Variants in UBR7 observed in about 807,000 individuals in gnomAD.
The protein encoded by UBR7 is ubiquitin protein ligase E3 component n-recognin 7.
A neutral mutation model predicts 57.0 loss-of-function variants in UBR7; 22 were observed. The ratio of observed to expected loss-of-function variants is 0.39; its 90% CI spans 0.28 to 0.55. The LOEUF is 0.55. UBR7 is among the 20% of genes least tolerant of loss of function. The pLI is 0.69. For missense variants in UBR7, 395 were observed against 513.2 expected (o/e 0.77, Z 2.23); for synonymous variants, 167 against 179.8 (o/e 0.93, Z 0.57).
intron 6 of UBR7, among the ~76,000 whole-genome samples, chr14:93,217,575 C>T (rs1481642122): frequency 6.6e-6 from 1 of 152,172 alleles, no homozygotes; most frequent in African/African-American, 2.4e-5. Flanking sequence ...CTTCCTCCTG[C>T]TTCTTGTATT....
intron 10 of UBR7, among the ~76,000 whole-genome samples, chr14:93,226,028 C>T (rs993032212): frequency 1.3e-5 from 2 of 152,210 alleles, no homozygotes; most frequent in African/African-American, 4.8e-5. Flanking sequence ...TCAGCCTCTG[C>T]ATCCTGAATC....
At position 93,218,721 on chromosome 14, in the gene UBR7, G is replaced by A. The variant is rs754183681; in HGVS notation, c.796G>A (p.Glu266Lys). 5 of 1,613,382 alleles carry A rather than the reference G, an allele frequency of 3.1e-6. No individual in the cohort carries two copies. Among genetic ancestry groups the A allele is most frequent in the Admixed American group, 3.3e-5 (2 of 59,986 alleles). Residue 266 changes from glutamate (E) to lysine (K), a missense_variant, in exon 7 of 11, where the codon GAA becomes AAA. By Grantham distance (56) the Glu-to-Lys change is moderately conservative (BLOSUM62 1). Transcript: ENST00000013070. ...NSEPCAGSSS[E>K]SDLQTVFKNE... ...TGAACCATGTGCCGGCTCTAGTTCT[G>A]AATCTGATCTCCAGGTAATGTGTGA... is the stretch of plus-strand genomic sequence containing the variant.
At chr14:93,217,900 A>C in intron 6 of UBR7, among the ~76,000 whole-genome samples, 1 of 151,782 alleles carries the variant, frequency 6.6e-6, no homozygotes, top group Admixed American at 6.6e-5. Context: ...GTTCCAGACC[A>C]GCCTGACCAA....
chr14:93,211,189 G>A (rs1437230500), intron 3 of UBR7, among the ~76,000 whole-genome samples: 1 of 151,714 alleles, frequency 6.6e-6, no homozygotes, highest in African/African-American at 2.4e-5. Flanking sequence ...GCAGTGAGCC[G>A]AGATTGCGCC....
At chr14:93,207,696 C>G (rs1372007123) in intron 1 of UBR7, among the ~76,000 whole-genome samples, 1 of 152,178 alleles carries the variant, frequency 6.6e-6, no homozygotes, top group Non-Finnish European at 1.5e-5. Flanking sequence ...AGGAAGGGCC[C>G]TGGAGCAGCT....
Position 93,207,331 on chromosome 14 carries a change from C to T in UBR7, c.40C>T (p.Leu14=), listed in dbSNP as rs764548799. Residue 14 remains leucine (L), a synonymous_variant, in exon 1 of 11, where the codon CTG becomes TTG. Transcript: ENST00000013070. ...AEGAAGRQSE[L]EPVVSLVDVL... The stretch of plus-strand genomic sequence containing the variant: ...GGGCGCCGCTGGGCGGCAGTCGGAG[C>T]TGGAGCCCGTGGTATCGTTGGTCGA... The T allele has an allele frequency of 1.3e-6, 2 of 1,558,156 alleles. No individual in the cohort carries two copies. The highest frequency in any genetic ancestry group is 2.4e-5 in the South Asian group (2 of 84,704).
chr14:93,216,718 G>A (rs1267715329), intron 6 of UBR7, among the ~76,000 whole-genome samples: 1 of 151,132 alleles, frequency 6.6e-6, no homozygotes, highest in Non-Finnish European at 1.5e-5. Flanking sequence ...GGGTTCAAGC[G>A]ATTCTTGTGA....
intron 1 of UBR7, among the ~76,000 whole-genome samples, chr14:93,209,370 G>C (rs985375190): frequency 6.6e-6 from 1 of 152,138 alleles, no homozygotes; most frequent in African/African-American, 2.4e-5. Flanking sequence ...ATGCTCCTGT[G>C]TTTTCACATA....
At chr14:93,220,168 AG>A in intron 8 of UBR7, 80 bp from the exon 9 acceptor site, 1 of 1,456,326 alleles carries the variant, frequency 6.9e-7, no homozygotes, top group East Asian at 2.3e-5. Flanking sequence ...AGTGATTCTC[AG>A]GAAATTGGCT....
rs112981008 is a variant in UBR7, at chr14:93,208,562, TA to T, written c.150+1132del. On this transcript the variant is annotated intron_variant, in intron 1 of 10. Transcript: ENST00000013070. Reference sequence around the variant, plus strand: ...GGATTCCTTAATATTTTCTTTGTGGTAAAAAAAAAAATACGGAAATTTGCAC... The same window carrying T: ...GGATTCCTTAATATTTTCTTTGTGGTAAAAAAAAAATACGGAAATTTGCAC... Among the ~76,000 whole-genome samples the T allele has an allele frequency of 5.3e-3, 765 of 144,630 alleles. 1 individual carries two copies. The highest frequency in any genetic ancestry group is 0.015 in the African/African-American group (581 of 39,686). 94.9% of individuals were successfully genotyped at this position (144,630 alleles called of 152,430 possible). A position where few individuals can be genotyped will look rare whatever the true frequency, so the allele number is the denominator to read the frequency against.
At position 93,212,108 on chromosome 14, in the gene UBR7, A is replaced by T; in HGVS notation, c.422A>T (p.Tyr141Phe). Residue 141 changes from tyrosine to phenylalanine, a missense_variant, in exon 4 of 11, where the codon TAT (tyrosine) becomes TTT (phenylalanine). Physicochemically the swap from Tyr to Phe is conservative, Grantham distance 22. Coordinates refer to ENST00000013070, the MANE Select transcript of UBR7 (RefSeq NM_175748.4). ...TTGTACTGCATTTGCAAGAGACCTTATCCTGATCCTGAAGACGAGGTAAGA... is the reference window on the plus strand; with the variant it reads ...TTGTACTGCATTTGCAAGAGACCTTTTCCTGATCCTGAAGACGAGGTAAGA... The part of the protein sequence containing the change: ...FGLYCICKRP[Y>F]PDPEDEIPDE... 1.2e-6 allele frequency: 2 copies of T among 1,612,188 alleles called. No individual in the cohort carries two copies. The highest frequency in any genetic ancestry group is 1.7e-6 in the Non-Finnish European group (2 of 1,178,784).
chr14:93,215,689 CAAAAAAAA>C (rs34666080), intron 6 of UBR7, among the ~76,000 whole-genome samples: 1 of 71,832 alleles, frequency 1.4e-5, no homozygotes, highest in Non-Finnish European at 3.2e-5. Context: ...ACTCCATCCT[CAAAAAAAA>C]AAAAAAAAAA....
chr14:93,211,860 A>G (rs990938754), intron 3 of UBR7, among the ~76,000 whole-genome samples, 172 bp from the exon 4 acceptor site: 5 of 152,024 alleles, frequency 3.3e-5, no homozygotes, highest in Non-Finnish European at 7.4e-5. Context: ...CTGTGTCCTG[A>G]AAAAAGTATC....
At chr14:93,222,699 C>T (rs938552525) in intron 10 of UBR7, among the ~76,000 whole-genome samples, 1 of 151,552 alleles carries the variant, frequency 6.6e-6, no homozygotes, top group South Asian at 2.1e-4. Context: ...GCCGAGAACA[C>T]GCCACTGCAC....
rs752598365 is a variant in UBR7, at chr14:93,229,011, G to A, written c.*1976G>A. The A allele has an allele frequency of 6.6e-6, 3 of 452,024 alleles. No individual in the cohort carries two copies. Among genetic ancestry groups the A allele is most frequent in the East Asian group, 7.0e-5 (1 of 14,370 alleles). The allele number at this position is 452,024 out of a possible 1,614,324, so 28.0% of individuals were successfully genotyped here. A position where few individuals can be genotyped will look rare whatever the true frequency, so the allele number is the denominator to read the frequency against. The stretch of plus-strand genomic sequence containing the variant: ...TTCACAACTAGTTTTCTTATTGACT[G>A]TATTGGACTGTCTCTTCTTGTAGAG... On this transcript the variant is annotated 3_prime_UTR_variant, in exon 11 of 11. Transcript: ENST00000013070.
chr14:93,207,497 C>G, intron 1 of UBR7, 56 bp downstream of exon 1: 1 of 1,489,866 alleles, frequency 6.7e-7, no homozygotes, highest in South Asian at 1.4e-5. Context: ...CTCCCCTTCC[C>G]GGCCCGGCTG....
rs769416041 is a variant in UBR7 at position 93,218,602 on chromosome 14, C to T, written c.677C>T (p.Pro226Leu). 19 of 1,613,800 alleles carry T rather than the reference C, an allele frequency of 1.2e-5. No individual in the cohort carries two copies. Among genetic ancestry groups the T allele is most frequent in the Non-Finnish European group, 1.6e-5 (19 of 1,179,986 alleles). ...DGIGDQEVIK[P>L]ENGEHQDSTL... ...ATAGGTGATCAGGAAGTTATCAAAC[C>T]TGAAAATGGAGAGCATCAAGATAGT... Residue 226 changes from proline to leucine, a missense_variant, in exon 7 of 11, where the codon CCT (proline) becomes CTT (leucine). By Grantham distance (98) the Pro-to-Leu change is moderately conservative (BLOSUM62 -3). Transcript: ENST00000013070.
intron 10 of UBR7, among the ~76,000 whole-genome samples, chr14:93,226,732 G>A (rs1267304582): frequency 6.7e-6 from 1 of 149,568 alleles, no homozygotes; most frequent in Non-Finnish European, 1.5e-5. Context: ...GGCAGAGCTT[G>A]CAGTGAGCCG....
At position 93,220,461 on chromosome 14, in the gene UBR7, A is replaced by G. The variant is rs1894683196; in HGVS notation, c.1123+50A>G. 3.7e-6 allele frequency: 6 copies of G among 1,609,426 alleles called. No homozygotes were observed. The Admixed American group carries it at 8.3e-5, about 22-fold the overall frequency. ...TTCATCATTTCCTTCACTATGTAAA[A>G]AAATATAAAGGGGGCAGTAAACACC... is the stretch of plus-strand genomic sequence containing the variant. On this transcript the variant is annotated intron_variant, in intron 9 of 10. Transcript: ENST00000013070.
Sources: gnomAD v4.1 joint callset for allele counts (sites outside exome capture counted in the v4.1 genomes callset) on GRCh38, gnomAD v4.1.1 for gene constraint, MANE v1.5 for transcripts, NCBI Gene and HGNC (gene_info 2026-07-23, HGNC 2026-07-21) for gene names.